The following TRABD2B variants were observed in gnomAD, a reference collection of about 807,000 sequenced individuals.
TRABD2B encodes TraB domain containing 2B, also known as metalloprotease TIKI2.
Under a neutral mutation model 40.1 loss-of-function variants are expected in TRABD2B, and 14 were observed. The observed-to-expected ratio is 0.35, with a 90% CI of 0.23 to 0.55. The LOEUF is 0.55. TRABD2B is among the 20% of genes least tolerant of loss of function. The pLI is 0.90. For missense variants in TRABD2B, 541 were observed against 648.6 expected, an observed-to-expected ratio of 0.83 and a Z score of 1.80; for synonymous variants, 263 against 277.0, an observed-to-expected ratio of 0.95 and a Z score of 0.50.
intron 2 of TRABD2B, among the ~76,000 whole-genome samples, chr1:47,970,250 T>C (rs1354155515): frequency 6.6e-6 from 1 of 151,608 alleles, no homozygotes; most frequent in Non-Finnish European, 1.5e-5. Flanking sequence ...GGCTCTGGAG[T>C]TCAGTGGGGG....
At chr1:47,935,215 C>G (rs1268349447) in intron 2 of TRABD2B, among the ~76,000 whole-genome samples, 1 of 152,196 alleles carries the variant, frequency 6.6e-6, no homozygotes, top group Non-Finnish European at 1.5e-5. Flanking sequence ...TATTTTTCAC[C>G]TCATCCCTGG....
At chr1:47,859,419 G>T (rs1643933639) in intron 2 of TRABD2B, among the ~76,000 whole-genome samples, 1 of 152,148 alleles carries the variant, frequency 6.6e-6, no homozygotes, top group South Asian at 2.1e-4. Context: ...CCACAGCCCT[G>T]TCCACCCCAC....
intron 2 of TRABD2B, among the ~76,000 whole-genome samples, chr1:47,843,065 G>A (rs1310210236): frequency 6.6e-6 from 1 of 152,160 alleles, no homozygotes; most frequent in Non-Finnish European, 1.5e-5. Flanking sequence ...TGTGGCTGCT[G>A]TATAGTGAAA....
Position 47,764,938 on chromosome 1 carries a change from C to T in TRABD2B, c.*964G>A, listed in dbSNP as rs1430694975. 2 of 152,240 alleles carry T rather than the reference C, an allele frequency of 1.3e-5. No homozygotes were observed. The highest frequency in any genetic ancestry group is 6.5e-5 in the Admixed American group (1 of 15,280). 9.4% of individuals were successfully genotyped at this position (152,240 alleles called of 1,614,324 possible). Reference sequence around the variant, plus strand: ...GCAAGTGTGCAAAGTGCTTGCCACGCTGCAGGCTTTGGAAAAATGGCAGCT... The same window carrying T: ...GCAAGTGTGCAAAGTGCTTGCCACGTTGCAGGCTTTGGAAAAATGGCAGCT... On this transcript the variant is annotated 3_prime_UTR_variant, in exon 7 of 7. Transcript: ENST00000606738.
At chr1:47,948,918 C>T (rs1429577587) in intron 2 of TRABD2B, among the ~76,000 whole-genome samples, 5 of 152,278 alleles carry the variant, frequency 3.3e-5, no homozygotes, top group Middle Eastern at 6.8e-3. Context: ...TTCCAGCTCC[C>T]ATGACTTTGC....
At chr1:47,863,266 G>A (rs1644000433) in intron 2 of TRABD2B, among the ~76,000 whole-genome samples, 1 of 148,854 alleles carries the variant, frequency 6.7e-6, no homozygotes, top group Non-Finnish European at 1.5e-5. Flanking sequence ...CCAAGAGAAT[G>A]AAAAGATAAG....
intron 6 of TRABD2B, 60 bp downstream of exon 6, chr1:47,775,110 G>T: frequency 8.1e-7 from 1 of 1,230,548 alleles, no homozygotes; most frequent in Non-Finnish European, 1.0e-6. Flanking sequence ...GGGGGTTCAG[G>T]GTATACTATC....
chr1:47,846,038 C>T (rs1177676777), intron 2 of TRABD2B, among the ~76,000 whole-genome samples: 2 of 152,094 alleles, frequency 1.3e-5, no homozygotes, highest in Non-Finnish European at 2.9e-5. Context: ...AGGGGGTCTG[C>T]GTGAGTAGCC....
At chr1:47,902,371 G>A (rs969553323) in intron 2 of TRABD2B, among the ~76,000 whole-genome samples, 2 of 152,186 alleles carry the variant, frequency 1.3e-5, no homozygotes, top group African/African-American at 4.8e-5. Flanking sequence ...CCAAGTAGAT[G>A]GGCAAACAGG....
intron 2 of TRABD2B, among the ~76,000 whole-genome samples, chr1:47,822,087 G>T (rs1239752302): frequency 6.6e-6 from 1 of 151,934 alleles, no homozygotes; most frequent in African/African-American, 2.4e-5. Flanking sequence ...TTACACAAAG[G>T]TACGTTTCAT....
rs1644718293 is a variant in TRABD2B, at chr1:47,794,497, C to T, written c.988+89G>A. 7 of 1,392,574 alleles carry T rather than the reference C, an allele frequency of 5.0e-6. No individual in the cohort carries two copies. In the Admixed American group the frequency reaches 1.4e-4, roughly 29 times the overall value. The allele number at this position is 1,392,574 out of a possible 1,614,324, so 86.3% of individuals were successfully genotyped here. On this transcript the variant is annotated intron_variant, in intron 4 of 6. Coordinates refer to ENST00000606738, the MANE Select transcript of TRABD2B (RefSeq NM_001194986.2). The stretch of plus-strand genomic sequence containing the variant: ...TTTCCTGCCCCATCCTGGGCCTCGA[C>T]TTCTCCCTCGATGAAGTAGAGGTTA...
At chr1:47,992,357 G>T (rs748990641) in intron 2 of TRABD2B, among the ~76,000 whole-genome samples, 100 of 152,158 alleles carry the variant, frequency 6.6e-4, no homozygotes, top group Non-Finnish European at 1.0e-3. Context: ...GCCATCATTT[G>T]GTTGAACAGG....
At chr1:47,845,293 C>T (rs1312259094) in intron 2 of TRABD2B, among the ~76,000 whole-genome samples, 1 of 152,198 alleles carries the variant, frequency 6.6e-6, no homozygotes, top group Non-Finnish European at 1.5e-5. Flanking sequence ...TAACCCTACC[C>T]TGACATATTT....
chr1:47,971,258 G>A (rs1557687697), intron 2 of TRABD2B, among the ~76,000 whole-genome samples: 1 of 152,162 alleles, frequency 6.6e-6, no homozygotes, highest in Non-Finnish European at 1.5e-5. Context: ...GCCAGACCCT[G>A]AGCCAGTTTT....
At chr1:47,943,418 C>T (rs1198778962) in intron 2 of TRABD2B, among the ~76,000 whole-genome samples, 1 of 152,178 alleles carries the variant, frequency 6.6e-6, no homozygotes, top group East Asian at 1.9e-4. Context: ...GAAAAAAGCA[C>T]AAATAATCTC....
intron 2 of TRABD2B, among the ~76,000 whole-genome samples, chr1:47,931,579 C>A (rs1204055714): frequency 1.3e-5 from 2 of 152,162 alleles, no homozygotes; most frequent in African/African-American, 2.4e-5. Context: ...TCCTGAGGTG[C>A]CACGTGAGAA....
At chr1:47,863,319 A>AATATATAT (rs35095627) in intron 2 of TRABD2B, among the ~76,000 whole-genome samples, 3 of 127,536 alleles carry the variant, frequency 2.4e-5, no homozygotes, top group African/African-American at 8.6e-5. Flanking sequence ...GATAAATATA[A>AATATATAT]ATATATATAT....
At chr1:47,826,914 C>T (rs1338764483) in intron 2 of TRABD2B, among the ~76,000 whole-genome samples, 5 of 152,146 alleles carry the variant, frequency 3.3e-5, no homozygotes, top group African/African-American at 4.8e-5. Flanking sequence ...AGGAAGTCAT[C>T]GGGAAGTACT....
At chr1:47,884,359 T>G (rs2124633185) in intron 2 of TRABD2B, among the ~76,000 whole-genome samples, 1 of 152,342 alleles carries the variant, frequency 6.6e-6, no homozygotes, top group South Asian at 2.1e-4. Flanking sequence ...CCCCAGCAGA[T>G]CTGTGGTGTT....
Sources: allele counts gnomAD v4.1 joint callset (sites outside exome capture counted in the v4.1 genomes callset), GRCh38; gene constraint gnomAD v4.1.1; transcripts MANE v1.5; gene names NCBI Gene and HGNC (gene_info 2026-07-23, HGNC 2026-07-21).